The following PKP2 variants were observed in gnomAD, a reference collection of about 807,000 sequenced individuals.
PKP2 encodes the protein plakophilin-2.
Under a neutral mutation model 83.4 loss-of-function variants are expected in PKP2, and 73 were observed. That is an observed-to-expected ratio of 0.88 (90% CI 0.72 to 1.06). PKP2 has a LOEUF of 1.06. Ranked by LOEUF, PKP2 falls within the 50% of genes least tolerant of loss-of-function variation. PKP2 has a pLI of 0.00. For synonymous variants in PKP2, 409 were observed against 430.4 expected, an observed-to-expected ratio of 0.95 and a Z score of 0.62; for missense variants, 966 against 1,065.4, an observed-to-expected ratio of 0.91 and a Z score of 1.30.
intron 10 of PKP2, among the ~76,000 whole-genome samples, chr12:32,801,511 T>C (rs1168134368): frequency 6.6e-6 from 1 of 152,220 alleles, no homozygotes; most frequent in African/African-American, 2.4e-5. Context: ...AATGTGCTGC[T>C]GGCTGGCTTT....
intron 6 of PKP2, among the ~76,000 whole-genome samples, chr12:32,840,148 G>C (rs117466633): frequency 0.013 from 2,018 of 152,274 alleles, 109 homozygotes; most frequent in Admixed American, 0.088. Flanking sequence ...GAAGGTCTGG[G>C]GTGGGACCTG....
chr12:32,826,432 C>T (rs1956443202), intron 6 of PKP2, among the ~76,000 whole-genome samples: 1 of 151,994 alleles, frequency 6.6e-6, no homozygotes, highest in Non-Finnish European at 1.5e-5. Flanking sequence ...CTGTTTTAAC[C>T]CTCAAAAATG....
chr12:32,818,224 G>A (rs1045304020), intron 9 of PKP2, among the ~76,000 whole-genome samples: 1 of 152,252 alleles, frequency 6.6e-6, no homozygotes, highest in Non-Finnish European at 1.5e-5. Context: ...CACTTTGGGA[G>A]ACTGAAGTGG....
At chr12:32,894,859 A>G (rs1403500201) in intron 1 of PKP2, 1 of 151,988 alleles carries the variant, frequency 6.6e-6, no homozygotes, top group East Asian at 1.9e-4. Flanking sequence ...CTTTAGTCAG[A>G]CCCCTAAGTC....
intron 6 of PKP2, among the ~76,000 whole-genome samples, chr12:32,827,163 G>T (rs1451125710): frequency 6.6e-6 from 1 of 152,190 alleles, no homozygotes; most frequent in South Asian, 2.1e-4. Flanking sequence ...TGTTTATTTC[G>T]GGTTAGAATG....
chr12:32,868,908 G>C lies in PKP2; in HGVS notation c.1170+19C>G, dbSNP rs1956872599. ...TGAAAGTGTGTTGCGCTTTGCAATG[G>C]ACTGAAGATGACACTCACCCTCTTC... On this transcript the variant is annotated intron_variant, in intron 4 of 12. Transcript: ENST00000340811. The C allele has an allele frequency of 1.2e-6, 2 of 1,610,442 alleles. No homozygotes were observed. The highest frequency in any genetic ancestry group is 1.3e-5 in the African/African-American group (1 of 74,862).
In PKP2 at chr12:32,796,395, T is replaced by C. The variant is rs997598699; in HGVS notation, c.2168-97A>G. The C allele has an allele frequency of 2.6e-6, 3 of 1,136,054 alleles. No homozygotes were observed. In the African/African-American group the frequency reaches 4.7e-5, roughly 18 times the overall value. The allele number at this position is 1,136,054 out of a possible 1,614,324, so 70.4% of individuals were successfully genotyped here. A position where few individuals can be genotyped will look rare whatever the true frequency, so the allele number is the denominator to read the frequency against. ...TTTGGGTGAAGAACATTCTTTTTCT[T>C]TTTTTGAGACGGAATCTTGCTCTGT... On this transcript the variant is annotated intron_variant, in intron 10 of 12. Coordinates refer to ENST00000340811, the MANE Select transcript of PKP2 (RefSeq NM_001005242.3).
chr12:32,808,946 T>C (rs1956251213), intron 9 of PKP2, among the ~76,000 whole-genome samples: 1 of 152,144 alleles, frequency 6.6e-6, no homozygotes, highest in Non-Finnish European at 1.5e-5. Flanking sequence ...CTGGCCCAAA[T>C]GCTCGTTTCA....
chr12:32,819,876 GCA>G (rs1956359885), intron 9 of PKP2, among the ~76,000 whole-genome samples: 4 of 67,000 alleles, frequency 6.0e-5, no homozygotes, highest in Admixed American at 1.4e-4. Flanking sequence ...ACACACACAC[GCA>G]CACACAACCC....
chr12:32,869,828 C>T (rs922311333), intron 3 of PKP2, among the ~76,000 whole-genome samples: 8 of 152,076 alleles, frequency 5.3e-5, no homozygotes, highest in Non-Finnish European at 1.2e-4. Flanking sequence ...AAGACCAGCC[C>T]TGGCAACATA....
chr12:32,823,228 AC>A (rs1346519806), intron 7 of PKP2, among the ~76,000 whole-genome samples: 7 of 152,272 alleles, frequency 4.6e-5, no homozygotes, highest in Admixed American at 3.9e-4. Flanking sequence ...AGGCTGGCCA[AC>A]ATGGCAAAAC....
At chr12:32,836,321 T>C (rs1357570999) in intron 6 of PKP2, among the ~76,000 whole-genome samples, 1 of 152,204 alleles carries the variant, frequency 6.6e-6, no homozygotes, top group Non-Finnish European at 1.5e-5. Context: ...AATGATCCGA[T>C]ACATCCTCAA....
chr12:32,798,703 TG>T lies in PKP2; in HGVS notation c.2168-2406del, dbSNP rs548028953. Among the ~76,000 whole-genome samples the T allele has an allele frequency of 7.2e-5, 11 of 152,328 alleles. No individual in the cohort carries two copies. The South Asian group carries it at 2.3e-3, about 32-fold the overall frequency. On this transcript the variant is annotated intron_variant, in intron 10 of 12. Coordinates refer to ENST00000340811, the MANE Select transcript of PKP2 (RefSeq NM_001005242.3). ...ATTCAACAAATGATGCTGGGATAAT[TG>T]GCAAGCCACATGTAAAAGAATAAAG...
chr12:32,799,203 T>G (rs1351763871), intron 10 of PKP2, among the ~76,000 whole-genome samples: 2 of 152,152 alleles, frequency 1.3e-5, no homozygotes, highest in Non-Finnish European at 2.9e-5. Flanking sequence ...TCACTAATTA[T>G]CATGGAAATG....
At chr12:32,802,315 T>C (rs1956188614) in intron 10 of PKP2, 88 bp downstream of exon 10, 1 of 1,344,214 alleles carries the variant, frequency 7.4e-7, no homozygotes, top group African/African-American at 1.4e-5. Context: ...CAGTGCATCT[T>C]TGTGAACGGG....
At chr12:32,818,071 C>T (rs1186022979) in intron 9 of PKP2, among the ~76,000 whole-genome samples, 1 of 152,200 alleles carries the variant, frequency 6.6e-6, no homozygotes, top group East Asian at 1.9e-4. Context: ...AAAAAACTGT[C>T]TTCCATGAAA....
At chr12:32,867,424 A>G (rs1418800726) in intron 4 of PKP2, among the ~76,000 whole-genome samples, 2 of 152,200 alleles carry the variant, frequency 1.3e-5, no homozygotes, top group Non-Finnish European at 2.9e-5. Context: ...GGCACAAGAA[A>G]ACGCTGGAGG....
chr12:32,825,317 CGT>C (rs1369875022), intron 6 of PKP2, among the ~76,000 whole-genome samples: 4 of 151,922 alleles, frequency 2.6e-5, no homozygotes, highest in African/African-American at 9.7e-5. Flanking sequence ...TACAGGCGTG[CGT>C]CACTATGCCC....
At chr12:32,880,036 C>T (rs1173468489) in intron 1 of PKP2, among the ~76,000 whole-genome samples, 1 of 151,314 alleles carries the variant, frequency 6.6e-6, no homozygotes, top group Non-Finnish European at 1.5e-5. Flanking sequence ...AATTCGGAAG[C>T]TTCTTGTAAT....
Sources: allele counts gnomAD v4.1 joint callset (sites outside exome capture counted in the v4.1 genomes callset), GRCh38; gene constraint gnomAD v4.1.1; transcripts MANE v1.5; gene names NCBI Gene and HGNC (gene_info 2026-07-23, HGNC 2026-07-21).